Variants in BTLA observed in about 807,000 individuals in gnomAD.
BTLA encodes B and T lymphocyte associated.
A neutral mutation model predicts 25.0 loss-of-function variants in BTLA; 11 were observed. That is an observed-to-expected ratio of 0.44 (90% confidence interval 0.28 to 0.73). The LOEUF is 0.73. Among genes scored for constraint, BTLA ranks in the 30% least tolerant of loss-of-function variants. The probability of loss-of-function intolerance (pLI) is 0.15; values close to 1 mark genes in which losing one functional copy is unlikely to be tolerated. For synonymous variants in BTLA, 104 were observed against 119.8 expected (o/e 0.87, Z 0.86); for missense variants, 282 against 332.8 (o/e 0.85, Z 1.19).
chr3:112,493,252 T>A (rs2082389532), intron 1 of BTLA, among the ~76,000 whole-genome samples: 1 of 152,206 alleles, frequency 6.6e-6, no homozygotes, highest in Admixed American at 6.5e-5. Flanking sequence ...GAGTAGATAA[T>A]GCTTTTGGCA....
chr3:112,474,878 C>T (rs540191576), intron 2 of BTLA, among the ~76,000 whole-genome samples: 1 of 152,234 alleles, frequency 6.6e-6, no homozygotes, highest in South Asian at 2.1e-4. Context: ...CAGAAACAAT[C>T]TAGAAAGGTG....
rs1261304042 is a variant in BTLA at position 112,464,807 on chromosome 3, A to ACAC, written c.*1298_*1300dup. 6.6e-6 allele frequency: 1 copy of ACAC among 151,460 alleles called. No individual in the cohort carries two copies. The highest frequency in any genetic ancestry group is 1.9e-4 in the East Asian group (1 of 5,174). 9.4% of individuals were successfully genotyped at this position (151,460 alleles called of 1,614,324 possible). A position where few individuals can be genotyped will look rare whatever the true frequency, so the allele number is the denominator to read the frequency against. ...GTCACCCACCCCACCTAACACACAC[A>ACAC]CACACACACACACACACACACATCA... On this transcript the variant is annotated 3_prime_UTR_variant, in exon 5 of 5. Coordinates refer to ENST00000334529, the MANE Select transcript of BTLA (RefSeq NM_181780.4).
At chr3:112,490,815 T>C (rs2082376218) in intron 1 of BTLA, among the ~76,000 whole-genome samples, 1 of 152,146 alleles carries the variant, frequency 6.6e-6, no homozygotes, top group Non-Finnish European at 1.5e-5. Flanking sequence ...AAAATCCCCT[T>C]CTTATAAAAA....
At chr3:112,493,406 A>G (rs2082390760) in intron 1 of BTLA, among the ~76,000 whole-genome samples, 1 of 152,232 alleles carries the variant, frequency 6.6e-6, no homozygotes, top group African/African-American at 2.4e-5. Flanking sequence ...ACCCATCTGA[A>G]AAAGGCCTAA....
intron 1 of BTLA, among the ~76,000 whole-genome samples, chr3:112,489,678 A>C (rs939485863): frequency 6.6e-6 from 1 of 152,348 alleles, no homozygotes; most frequent in Middle Eastern, 3.4e-3. Context: ...ATTTTCTGTG[A>C]CATCAACCAG....
At chr3:112,493,496 G>T (rs374122284) in intron 1 of BTLA, among the ~76,000 whole-genome samples, 8 of 152,194 alleles carry the variant, frequency 5.3e-5, no homozygotes, top group East Asian at 1.9e-4. Flanking sequence ...CAAAGGATAT[G>T]AACACACAGT....
At chr3:112,488,980 T>C (rs757892503) in intron 1 of BTLA, among the ~76,000 whole-genome samples, 20 of 152,274 alleles carry the variant, frequency 1.3e-4, no homozygotes, top group Non-Finnish European at 2.4e-4. Flanking sequence ...TGCTACTTCC[T>C]TGATGGTGTG....
chr3:112,478,112 G>A (rs1161096689), intron 2 of BTLA, among the ~76,000 whole-genome samples: 1 of 151,356 alleles, frequency 6.6e-6, no homozygotes, highest in Admixed American at 6.6e-5. Flanking sequence ...TGGGTCTGTT[G>A]CAACTCAATG....
At position 112,499,187 on chromosome 3, in the gene BTLA, C is replaced by T; in HGVS notation, c.88+84G>A. 5.2e-6 allele frequency: 5 copies of T among 967,038 alleles called. No individual in the cohort carries two copies. In the East Asian group the frequency reaches 7.2e-5, roughly 14 times the overall value. The allele number at this position is 967,038 out of a possible 1,614,324, so 59.9% of individuals were successfully genotyped here. ...TTACCCACTTCGTATAAACGTTACA[C>T]CGTACTAAGTTCAGCAAGGGAGAAT... On this transcript the variant is annotated intron_variant, in intron 1 of 4. Transcript: ENST00000334529.
intron 1 of BTLA, among the ~76,000 whole-genome samples, chr3:112,496,381 T>C (rs546405261): frequency 6.6e-6 from 1 of 152,306 alleles, no homozygotes; most frequent in Non-Finnish European, 1.5e-5. Context: ...CATACTTTTG[T>C]AATAAAGAAG....
intron 1 of BTLA, among the ~76,000 whole-genome samples, chr3:112,494,773 G>C (rs550085409): frequency 6.6e-6 from 1 of 152,170 alleles, no homozygotes; most frequent in South Asian, 2.1e-4. Flanking sequence ...GGAGAGGAGA[G>C]GGAACTTAGA....
intron 2 of BTLA, among the ~76,000 whole-genome samples, chr3:112,471,716 C>T (rs2082263076): frequency 1.3e-5 from 2 of 152,038 alleles, no homozygotes; most frequent in African/African-American, 2.4e-5. Flanking sequence ...TTATTTTGTC[C>T]CAAGAGTTGC....
chr3:112,467,695 T>C (rs1284091931), intron 4 of BTLA, among the ~76,000 whole-genome samples: 1 of 152,204 alleles, frequency 6.6e-6, no homozygotes, highest in Non-Finnish European at 1.5e-5. Context: ...TCTGATGTGG[T>C]GGCTGCCCAA....
In BTLA at chr3:112,471,928, G is replaced by A. The variant is rs932150885; in HGVS notation, c.404-573C>T. The stretch of plus-strand genomic sequence containing the variant: ...CATTACTATTGATCAATGTTAATAC[G>A]CATTGAGGCCCTGTTTGTCTGCAGT... On this transcript the variant is annotated intron_variant, in intron 2 of 4. Transcript: ENST00000334529. 3.9e-5 allele frequency among the ~76,000 whole-genome samples: 6 copies of A among 152,306 alleles called. No homozygotes were observed. In the South Asian group the frequency reaches 1.0e-3, roughly 26 times the overall value.
rs1392163294 is a variant in BTLA at position 112,498,021 on chromosome 3, G to T, written c.88+1250C>A. On this transcript the variant is annotated intron_variant, in intron 1 of 4. Coordinates refer to ENST00000334529, the MANE Select transcript of BTLA (RefSeq NM_181780.4). Reference sequence around the variant, plus strand: ...CAACATGCATTGCATCCATAGCTTGGCTGACTTTCTTAAAAAACAGGTTGA... The same window carrying T: ...CAACATGCATTGCATCCATAGCTTGTCTGACTTTCTTAAAAAACAGGTTGA... Among the ~76,000 whole-genome samples the T allele has an allele frequency of 4.6e-5, 7 of 152,046 alleles. No individual in the cohort carries two copies. In the East Asian group the frequency reaches 1.3e-3, roughly 29 times the overall value.
At position 112,485,958 on chromosome 3, in the gene BTLA, A is replaced by T. The variant is rs139363630; in HGVS notation, c.89-6189T>A. 7.9e-4 allele frequency among the ~76,000 whole-genome samples: 120 copies of T among 152,258 alleles called. 3 individuals carry two copies. In the East Asian group the frequency reaches 0.022, roughly 28 times the overall value. On this transcript the variant is annotated intron_variant, in intron 1 of 4. Transcript: ENST00000334529. ...AAACCCCGTCTCTACTAAAAATACA[A>T]AACAAAAAATTAGCCGGGCGTGGTG... is the stretch of plus-strand genomic sequence containing the variant.
At chr3:112,494,417 G>A (rs908973836) in intron 1 of BTLA, among the ~76,000 whole-genome samples, 10 of 152,200 alleles carry the variant, frequency 6.6e-5, no homozygotes, top group Non-Finnish European at 1.2e-4. Context: ...TATACTCAAA[G>A]GAATATAAAT....
At chr3:112,496,844 C>T (rs1395988879) in intron 1 of BTLA, among the ~76,000 whole-genome samples, 2 of 152,032 alleles carry the variant, frequency 1.3e-5, no homozygotes, top group African/African-American at 2.4e-5. Flanking sequence ...TCTCCTGTCT[C>T]GGCCTCCCGA....
At chr3:112,474,900 CTG>C (rs1247210409) in intron 2 of BTLA, among the ~76,000 whole-genome samples, 8 of 152,174 alleles carry the variant, frequency 5.3e-5, no homozygotes, top group African/African-American at 1.9e-4. Context: ...TGGGATCAAA[CTG>C]TGGAAGACTT....
Sources: gnomAD v4.1 joint callset for allele counts (sites outside exome capture counted in the v4.1 genomes callset) on GRCh38, gnomAD v4.1.1 for gene constraint, MANE v1.5 for transcripts, NCBI Gene and HGNC (gene_info 2026-07-23, HGNC 2026-07-21) for gene names.